TELO2: variants seen among roughly 807,000 people sequenced by gnomAD.
The protein encoded by TELO2 is telomere maintenance 2, also known as telomere length regulation protein TEL2 homolog.
TELO2 carries 71 observed loss-of-function variants against 91.0 expected under a neutral mutation model. The ratio of observed to expected loss-of-function variants is 0.78; its 90% CI spans 0.64 to 0.95. TELO2 has a LOEUF of 0.95. Among genes scored for constraint, TELO2 ranks in the 40% least tolerant of loss-of-function variants. The probability of loss-of-function intolerance (pLI) is 0.00; values close to 1 mark genes in which losing one functional copy is unlikely to be tolerated. For missense variants in TELO2, 1,183 were observed against 1,141.3 expected (o/e 1.04, Z -0.53); for synonymous variants, 584 against 518.9 (o/e 1.13, Z -1.71).
intron 9 of TELO2, 48 bp from the exon 10 acceptor site, chr16:1,501,372 G>A: frequency 6.3e-7 from 1 of 1,583,016 alleles, no homozygotes; most frequent in Non-Finnish European, 8.6e-7. Flanking sequence ...TCTCGGGGAG[G>A]GGCGCTGCAG....
At position 1,505,212 on chromosome 16, in the gene TELO2, C is replaced by T. The variant is rs2039845391; in HGVS notation, c.1843-198C>T. On this transcript the variant is annotated intron_variant, in intron 15 of 20. Transcript: ENST00000262319. The surrounding 1 kb of genome is among the most constrained non-coding windows in gnomAD (Gnocchi z 4.3). Reference sequence around the variant, plus strand: ...CTCATCTCCTGGAGCACGGTGCCCACCTTCCCCACCTTCCCGCCTACCAAG... The same window carrying T: ...CTCATCTCCTGGAGCACGGTGCCCATCTTCCCCACCTTCCCGCCTACCAAG... 9.7e-6 allele frequency: 6 copies of T among 617,374 alleles called. No individual in the cohort carries two copies. The highest frequency in any genetic ancestry group is 5.5e-5 in the African/African-American group (3 of 54,318). The allele number at this position is 617,374 out of a possible 1,614,324, so 38.2% of individuals were successfully genotyped here.
At position 1,494,100 on chromosome 16, in the gene TELO2, C is replaced by A. The variant is rs2039394918; in HGVS notation, c.-36-146C>A. The A allele has an allele frequency of 3.3e-6, 2 of 608,964 alleles. No individual in the cohort carries two copies. Among genetic ancestry groups the A allele is most frequent in the Non-Finnish European group, 5.8e-6 (2 of 346,408 alleles). 37.7% of individuals were successfully genotyped at this position (608,964 alleles called of 1,614,324 possible). On this transcript the variant is annotated intron_variant, in intron 1 of 20. Coordinates refer to ENST00000262319, the MANE Select transcript of TELO2 (RefSeq NM_016111.4). This position sits in a 1 kb window ranked among gnomAD's most constrained non-coding sequence, Gnocchi z 5.6. ...GGAGCGAACTCTGGGTGGAAACCGG[C>A]AGGCACTGGAGGGGAAGGAGGCGGG...
In TELO2 at chr16:1,502,568, C is replaced by T. The variant is rs570622693; in HGVS notation, c.1654-77C>T. On this transcript the variant is annotated intron_variant, in intron 13 of 20. Coordinates refer to ENST00000262319, the MANE Select transcript of TELO2 (RefSeq NM_016111.4). ...GGGCCTCTGCTGGGGTGGGTGGCTC[C>T]GGCCCTGTGAGCCTCGGTGAGGCCT... The T allele has an allele frequency of 4.4e-5, 69 of 1,554,210 alleles. No homozygotes were observed. The East Asian group carries it at 5.6e-4, about 13-fold the overall frequency.
intron 15 of TELO2, among the ~76,000 whole-genome samples, chr16:1,503,959 C>T (rs1265123104): frequency 6.6e-6 from 1 of 151,846 alleles, no homozygotes; most frequent in Non-Finnish European, 1.5e-5. Flanking sequence ...TAGCAAGACC[C>T]TGTCATCTCC....
At chr16:1,499,934 G>A (rs1387960585) in intron 6 of TELO2, among the ~76,000 whole-genome samples, 162 bp from the exon 7 acceptor site, 1 of 152,244 alleles carries the variant, frequency 6.6e-6, no homozygotes, top group Non-Finnish European at 1.5e-5. Context: ...TTCTGCGGGA[G>A]GGGAGGGGTC....
chr16:1,504,643 C>T (rs150925841), intron 15 of TELO2, among the ~76,000 whole-genome samples: 7,735 of 145,996 alleles, frequency 0.053, 458 homozygotes, highest in East Asian at 0.18. Context: ...CTGCAAGCTC[C>T]CCCTCCCGGG....
rs114605211 is a variant in TELO2, at chr16:1,503,632, C to T, written c.1842+630C>T. Among the ~76,000 whole-genome samples the T allele has an allele frequency of 1.4e-3, 220 of 152,312 alleles. 1 individual carries two copies. The highest frequency in any genetic ancestry group is 4.9e-3 in the African/African-American group (204 of 41,568). On this transcript the variant is annotated intron_variant, in intron 15 of 20. Transcript: ENST00000262319. ...TAAAGCAGCCCCAGGGCCTGTATAT[C>T]GTTCGATTTCACTTAAGCGAGCCGT... is the stretch of plus-strand genomic sequence containing the variant.
At position 1,497,043 on chromosome 16, in the gene TELO2, G is replaced by A. The variant is rs2039518422; in HGVS notation, c.621G>A (p.Leu207=). The change falls in exon 4 of 21, where the codon CTG becomes CTA. Residue 207 remains leucine, a synonymous_variant. Coordinates refer to ENST00000262319, the MANE Select transcript of TELO2 (RefSeq NM_016111.4). This position sits in a 1 kb window ranked among gnomAD's most constrained non-coding sequence, Gnocchi z 4.0. The stretch of plus-strand genomic sequence containing the variant: ...CCTCCCTTTCTGTCCCAGGTGGCCT[G>A]GATTCCTCCGTGTCCTTCGTGTCTC... ...QAVVDSLQGG[L]DSSVSFVSQV... 2 of 1,613,992 alleles carry A rather than the reference G, an allele frequency of 1.2e-6. No individual in the cohort carries two copies. The highest frequency in any genetic ancestry group is 2.7e-5 in the African/African-American group (2 of 75,022).
Position 1,502,353 on chromosome 16 carries a change from C to A in TELO2, c.1602C>A (p.Ala534=). The stretch of plus-strand genomic sequence containing the variant: ...AGGACATAGAGCGCTGGGAGGCAGC[C>A]CTGCGGGCCCTTGAGGGCCTGGTCT... ...TSEDIERWEA[A]LRALEGLVYR... The change falls in exon 13 of 21, where the codon GCC becomes GCA. Residue 534 remains alanine (A), a synonymous_variant. Transcript: ENST00000262319. 6.2e-7 allele frequency: 1 copy of A among 1,606,920 alleles called. No individual in the cohort carries two copies. The highest frequency in any genetic ancestry group is 2.2e-5 in the East Asian group (1 of 44,688).
At chr16:1,499,441 G>A (rs1390664151) in intron 6 of TELO2, 108 bp downstream of exon 6, 3 of 1,278,976 alleles carry the variant, frequency 2.3e-6, no homozygotes, top group African/African-American at 2.9e-5. Context: ...CCCTGCCTGT[G>A]ATTTGGCAGT....
rs773834635 is a variant in TELO2, at chr16:1,494,461, G to A, written c.180G>A (p.Ser60=). Residue 60 remains serine (S), a synonymous_variant, in exon 2 of 21, where the codon TCG becomes TCA. Transcript: ENST00000262319. The surrounding 1 kb of genome is among the most constrained non-coding windows in gnomAD (Gnocchi z 5.6). ...EKEEFASAHF[S]PVLRCLASRL... The stretch of plus-strand genomic sequence containing the variant: ...AGGAGTTTGCCTCGGCCCACTTCTC[G>A]CCTGTCCTCAGATGTCTTGCCAGCA... The A allele has an allele frequency of 5.0e-6, 8 of 1,613,216 alleles. No homozygotes were observed. The highest frequency in any genetic ancestry group is 4.4e-5 in the South Asian group (4 of 91,072).
rs915405754 is a variant in TELO2 at position 1,497,070 on chromosome 16, G to T, written c.648G>T (p.Gln216His). Residue 216 changes from glutamine (Q) to histidine (H), a missense_variant, in exon 4 of 21, where the codon CAG becomes CAT. Physicochemically the swap from Gln to His is conservative, Grantham distance 24. Transcript: ENST00000262319. The surrounding 1 kb of genome is among the most constrained non-coding windows in gnomAD (Gnocchi z 4.0). Reference protein sequence around the residue: ...GLDSSVSFVSQVLGKACVHGR... With the variant: ...GLDSSVSFVSHVLGKACVHGR... ...ATTCCTCCGTGTCCTTCGTGTCTCA[G>T]GTCCTTGGGAAAGCCTGTGTCCACG... 1.2e-6 allele frequency: 2 copies of T among 1,614,074 alleles called. No homozygotes were observed. The highest frequency in any genetic ancestry group is 1.7e-6 in the Non-Finnish European group (2 of 1,180,002).
At position 1,500,631 on chromosome 16, in the gene TELO2, C is replaced by G; in HGVS notation, c.1213C>G (p.Leu405Val). 1.2e-6 allele frequency: 2 copies of G among 1,612,552 alleles called. No individual in the cohort carries two copies. Among genetic ancestry groups the G allele is most frequent in the Non-Finnish European group, 1.7e-6 (2 of 1,179,820 alleles). The change falls in exon 9 of 21, where the codon CTG (leucine) becomes GTG (valine). Residue 405 changes from leucine (L) to valine (V), a missense_variant. Physicochemically the swap from Leu to Val is conservative, Grantham distance 32. Transcript: ENST00000262319. ...CAGTAGCCTGCCCCCCGTGCGACGC[C>G]TGGGCATGATCGTGGCAGAGGTCGT... is the stretch of plus-strand genomic sequence containing the variant. ...LDSSLPPVRR[L>V]GMIVAEVVSA...
In TELO2 at chr16:1,507,663, G is replaced by A. The variant is rs748658830; in HGVS notation, c.2354G>A (p.Arg785His). Residue 785 changes from arginine to histidine, a missense_variant, in exon 20 of 21, where the codon CGC (arginine) becomes CAC (histidine). Arg to His is a conservative substitution (Grantham distance 29, BLOSUM62 0). Coordinates refer to ENST00000262319, the MANE Select transcript of TELO2 (RefSeq NM_016111.4). The stretch of plus-strand genomic sequence containing the variant: ...GTCCTGCTCAGCCTGCCTGCTGCGC[G>A]CCTGCTGGAGGACCTGATGGACGAG... ...SSVLLSLPAARLLEDLMDELL... is the reference protein window; with the variant it reads ...SSVLLSLPAAHLLEDLMDELL... 7 of 1,602,954 alleles carry A rather than the reference G, an allele frequency of 4.4e-6. No individual in the cohort carries two copies. The highest frequency in any genetic ancestry group is 2.7e-5 in the African/African-American group (2 of 74,916).
chr16:1,501,169 C>T (rs564889603), intron 9 of TELO2, among the ~76,000 whole-genome samples: 2 of 152,348 alleles, frequency 1.3e-5, no homozygotes, highest in South Asian at 4.1e-4. Flanking sequence ...GGGGCATTGG[C>T]CTTGGGGGAG....
At chr16:1,504,144 A>G (rs1208908613) in intron 15 of TELO2, among the ~76,000 whole-genome samples, 1 of 150,880 alleles carries the variant, frequency 6.6e-6, no homozygotes, top group Non-Finnish European at 1.5e-5. Context: ...AAAAAAAAAA[A>G]AAAAAAGCAG....
chr16:1,502,469 C>T, intron 13 of TELO2, 65 bp downstream of exon 13: 1 of 1,540,282 alleles, frequency 6.5e-7, no homozygotes, highest in Non-Finnish European at 8.8e-7. Flanking sequence ...CCATCTGTGT[C>T]CTGGCCACTG....
rs2039525796 is a variant in TELO2 at position 1,497,312 on chromosome 16, C to A, written c.683-49C>A. ...TGCTGGACCCACACAGCCCCAGACA[C>A]CAGGTGGGTGCAGCTCCCCAGGCTC... On this transcript the variant is annotated intron_variant, in intron 4 of 20. Transcript: ENST00000262319. The surrounding 1 kb of genome is among the most constrained non-coding windows in gnomAD (Gnocchi z 4.0). 6.6e-7 allele frequency: 1 copy of A among 1,509,430 alleles called. No individual in the cohort carries two copies. Among genetic ancestry groups the A allele is most frequent in the African/African-American group, 1.4e-5 (1 of 72,378 alleles). 93.5% of individuals were successfully genotyped at this position (1,509,430 alleles called of 1,614,324 possible).
chr16:1,503,561 G>A (rs1302679352), intron 15 of TELO2, among the ~76,000 whole-genome samples: 1 of 152,158 alleles, frequency 6.6e-6, no homozygotes, highest in Non-Finnish European at 1.5e-5. Flanking sequence ...AAGATAATTC[G>A]ACTCTGATAC....
Sources: allele counts gnomAD v4.1 joint callset (sites outside exome capture counted in the v4.1 genomes callset), GRCh38; gene constraint gnomAD v4.1.1; non-coding constraint Gnocchi (gnomAD v3.1); transcripts MANE v1.5; gene names NCBI Gene and HGNC (gene_info 2026-07-23, HGNC 2026-07-21).